NCKAP5: variants seen among roughly 807,000 people sequenced by gnomAD.
NCKAP5 encodes nck-associated protein 5.
NCKAP5 carries 92 observed loss-of-function variants against 167.0 expected under a neutral mutation model. That is an observed-to-expected ratio of 0.55 (90% CI 0.47 to 0.66). The LOEUF is 0.66. Among genes scored for constraint, NCKAP5 ranks in the 30% least tolerant of loss-of-function variants. The pLI is 0.00. For synonymous variants in NCKAP5, 891 were observed against 877.4 expected (o/e 1.02, Z -0.27); for missense variants, 2,378 against 2,315.0 (o/e 1.03, Z -0.56).
chr2:133,226,640 C>CACACACACAG (rs933689015), intron 4 of NCKAP5, among the ~76,000 whole-genome samples: 2 of 150,680 alleles, frequency 1.3e-5, no homozygotes, highest in South Asian at 4.2e-4. Context: ...CACACACACA[C>CACACACACAG]AGGAAGAACA....
chr2:133,064,691 C>A (rs76286529), intron 6 of NCKAP5, among the ~76,000 whole-genome samples: 5 of 152,052 alleles, frequency 3.3e-5, no homozygotes, highest in African/African-American at 1.2e-4. Context: ...GGTGGGGATA[C>A]GCTTGGCATA....
intron 8 of NCKAP5, among the ~76,000 whole-genome samples, chr2:132,920,759 A>C (rs1362349577): frequency 1.3e-5 from 1 of 77,642 alleles, no homozygotes; most frequent in Non-Finnish European, 2.1e-5. Flanking sequence ...ATATATATGT[A>C]TATATATGTA....
intron 4 of NCKAP5, among the ~76,000 whole-genome samples, chr2:133,277,671 A>C (rs1386279775): frequency 2.0e-5 from 3 of 152,174 alleles, no homozygotes; most frequent in South Asian, 2.1e-4. Context: ...ATGTGAAGAA[A>C]CTTCCAAGAA....
chr2:132,676,546 T>C (rs1025148716), intron 19 of NCKAP5, among the ~76,000 whole-genome samples: 1 of 152,118 alleles, frequency 6.6e-6, no homozygotes, highest in Non-Finnish European at 1.5e-5. Flanking sequence ...AACATTGTCT[T>C]GTCAGATCTC....
At chr2:133,610,814 A>C in the NCKAP5 span, among the ~76,000 whole-genome samples, 135 of 152,168 alleles carry the variant, frequency 8.9e-4, no homozygotes, top group African/African-American at 3.1e-3. Flanking sequence ...TTTTATTTAC[A>C]TTTTCTACAG....
At chr2:133,195,126 C>A (rs550812839) in intron 5 of NCKAP5, among the ~76,000 whole-genome samples, 1 of 152,166 alleles carries the variant, frequency 6.6e-6, no homozygotes, top group East Asian at 1.9e-4. Flanking sequence ...TAAAAAGCCG[C>A]CTCACTTACT....
At chr2:133,454,768 C>G (rs1431072814) in intron 3 of NCKAP5, among the ~76,000 whole-genome samples, 1 of 151,958 alleles carries the variant, frequency 6.6e-6, no homozygotes, top group Non-Finnish European at 1.5e-5. Flanking sequence ...TTTTGTTTTT[C>G]TTTCGAACTC....
At chr2:132,938,617 C>G (rs753233959) in intron 8 of NCKAP5, among the ~76,000 whole-genome samples, 1 of 152,212 alleles carries the variant, frequency 6.6e-6, no homozygotes, top group Non-Finnish European at 1.5e-5. Context: ...AAAGGGCCCC[C>G]TTTCCAAGAC....
At chr2:133,240,810 T>C (rs757104577) in intron 4 of NCKAP5, among the ~76,000 whole-genome samples, 2 of 152,194 alleles carry the variant, frequency 1.3e-5, no homozygotes, top group Non-Finnish European at 2.9e-5. Context: ...AATAATGTGA[T>C]TTACAAAGCA....
intron 6 of NCKAP5, among the ~76,000 whole-genome samples, chr2:133,041,490 T>C (rs2079216518): frequency 6.6e-6 from 1 of 152,134 alleles, no homozygotes; most frequent in Admixed American, 6.6e-5. Flanking sequence ...CCTATACAGA[T>C]TCAAAAGACA....
At chr2:133,092,171 T>C (rs1259150721) in intron 6 of NCKAP5, among the ~76,000 whole-genome samples, 1 of 152,150 alleles carries the variant, frequency 6.6e-6, no homozygotes, top group Non-Finnish European at 1.5e-5. Flanking sequence ...TATTTGTAGG[T>C]ATAGGCAGTT....
At chr2:133,060,446 G>GA (rs1355638718) in intron 6 of NCKAP5, among the ~76,000 whole-genome samples, 2 of 151,960 alleles carry the variant, frequency 1.3e-5, no homozygotes, top group Non-Finnish European at 2.9e-5. Context: ...CACTATGAAA[G>GA]AAAAAAGTAT....
At chr2:133,549,238 A>C (rs972187153) in intron 2 of NCKAP5, among the ~76,000 whole-genome samples, 3 of 152,118 alleles carry the variant, frequency 2.0e-5, no homozygotes, top group African/African-American at 7.2e-5. Flanking sequence ...GCAAGTCCTG[A>C]GTGACCTACA....
chr2:133,551,813 C>T (rs1262784230), intron 2 of NCKAP5, among the ~76,000 whole-genome samples: 1 of 121,718 alleles, frequency 8.2e-6, no homozygotes. Flanking sequence ...AGGCAACCTA[C>T]AAAATGGGAG....
At chr2:132,923,713 C>T (rs142553127) in intron 8 of NCKAP5, among the ~76,000 whole-genome samples, 410 of 152,142 alleles carry the variant, frequency 2.7e-3, no homozygotes, top group African/African-American at 9.5e-3. Context: ...TCATTTTTAC[C>T]TCAGATCTTT....
At chr2:133,546,550 G>C (rs992593490) in intron 2 of NCKAP5, among the ~76,000 whole-genome samples, 1 of 152,112 alleles carries the variant, frequency 6.6e-6, no homozygotes, top group Admixed American at 6.5e-5. Context: ...CGGTTATCCT[G>C]AATGTGGCTC....
At chr2:133,564,392 CA>C (rs1199079149) in intron 1 of NCKAP5, among the ~76,000 whole-genome samples, 1 of 151,788 alleles carries the variant, frequency 6.6e-6, no homozygotes, top group African/African-American at 2.4e-5. Context: ...TGTATCCATA[CA>C]TTTTTTTCAT....
chr2:133,369,630 G>A (rs1685672863), intron 3 of NCKAP5, among the ~76,000 whole-genome samples: 1 of 152,074 alleles, frequency 6.6e-6, no homozygotes, highest in Non-Finnish European at 1.5e-5. Flanking sequence ...GCAAACACAG[G>A]GGGATTAAAA....
intron 4 of NCKAP5, among the ~76,000 whole-genome samples, chr2:133,259,665 C>T (rs1369926308): frequency 2.0e-5 from 3 of 152,130 alleles, no homozygotes; most frequent in Non-Finnish European, 4.4e-5. Context: ...GATACAAAGT[C>T]GTGGTGTGCA....
Sources: gnomAD v4.1 joint callset for allele counts (sites outside exome capture counted in the v4.1 genomes callset) on GRCh38, gnomAD v4.1.1 for gene constraint, MANE v1.5 for transcripts, NCBI Gene and HGNC (gene_info 2026-07-23, HGNC 2026-07-21) for gene names.